RBFOX1: variants seen among roughly 807,000 people sequenced by gnomAD.
RBFOX1 encodes RNA binding protein fox-1 homolog 1.
Under a neutral mutation model 57.7 loss-of-function variants are expected in RBFOX1, and 8 were observed. That is an observed-to-expected ratio of 0.14 (90% CI 0.08 to 0.25). The LOEUF is 0.25. RBFOX1 is among the 10% of genes least tolerant of loss of function. The pLI is 1.00. For missense variants in RBFOX1, 611 were observed against 548.5 expected, an observed-to-expected ratio of 1.11 and a Z score of -1.14; for synonymous variants, 326 against 222.4, an observed-to-expected ratio of 1.47 and a Z score of -4.15.
chr16:6,625,278 A>G (rs1484578240), intron 2 of RBFOX1, among the ~76,000 whole-genome samples: 2 of 152,006 alleles, frequency 1.3e-5, no homozygotes, highest in East Asian at 3.9e-4. Context: ...CTAAAGTGAG[A>G]AGGACACAGA....
At chr16:7,105,627 C>A (rs879402524) in intron 4 of RBFOX1, among the ~76,000 whole-genome samples, 1 of 152,018 alleles carries the variant, frequency 6.6e-6, no homozygotes, top group Non-Finnish European at 1.5e-5. Flanking sequence ...CAGGTTGCTG[C>A]GAATGCCATT....
chr16:5,949,721 A>G (rs1459041038), intron 4 of RBFOX1, among the ~76,000 whole-genome samples: 4 of 152,124 alleles, frequency 2.6e-5, no homozygotes, highest in African/African-American at 7.2e-5. Flanking sequence ...AAAATATGCT[A>G]CCTCAACCAG....
rs546041666 is a variant in RBFOX1 at position 5,254,638 on chromosome 16, A to G, written c.219+14533A>G. Among the ~76,000 whole-genome samples the G allele has an allele frequency of 1.3e-4, 20 of 152,122 alleles. 1 individual carries two copies. In the East Asian group the frequency reaches 1.5e-3, roughly 12 times the overall value. ...TCGAGATTGCTTAGAAATTTTCCCCATTACTACAGCCTGCTTCCCACCTGC... is the reference window on the plus strand; with the variant it reads ...TCGAGATTGCTTAGAAATTTTCCCCGTTACTACAGCCTGCTTCCCACCTGC... On this transcript the variant is annotated intron_variant, in intron 1 of 2. Coordinates refer to the RBFOX1 transcript ENST00000585867.
chr16:7,518,107 A>G (rs2076765305), intron 4 of RBFOX1, 40 bp from the exon 5 acceptor site: 1 of 1,582,132 alleles, frequency 6.3e-7, no homozygotes, highest in South Asian at 1.2e-5. Flanking sequence ...GTGGCTCCTC[A>G]TGACGTTCTC....
chr16:6,614,459 A>C (rs1167843054), intron 2 of RBFOX1, among the ~76,000 whole-genome samples: 1 of 152,160 alleles, frequency 6.6e-6, no homozygotes, highest in Non-Finnish European at 1.5e-5. Flanking sequence ...TGCCCAGTTA[A>C]TCTTTACCGG....
At chr16:7,002,645 G>C (rs1031193554) in intron 3 of RBFOX1, among the ~76,000 whole-genome samples, 3 of 152,214 alleles carry the variant, frequency 2.0e-5, no homozygotes, top group African/African-American at 7.2e-5. Context: ...CTGGGAGGCA[G>C]AGGTTGCAGG....
chr16:6,149,209 A>G (rs997297235), intron 1 of RBFOX1, among the ~76,000 whole-genome samples: 1 of 152,028 alleles, frequency 6.6e-6, no homozygotes, highest in African/African-American at 2.4e-5. Context: ...TTGTGTGTGT[A>G]TGTGTGTGTG....
rs113593114 is a variant in RBFOX1, at chr16:7,053,665, T to G, written c.27+1567T>G. Among the ~76,000 whole-genome samples the G allele has an allele frequency of 5.1e-3, 775 of 152,330 alleles. 9 individuals carry two copies. The highest frequency in any genetic ancestry group is 0.018 in the African/African-American group (739 of 41,590). ...GCATTTTGAGGGATTATTTCCCATT[T>G]ATGAGTCCATTGTCGACAGGAGTGT... On this transcript the variant is annotated intron_variant, in intron 4 of 15. Transcript: ENST00000550418.
intron 3 of RBFOX1, among the ~76,000 whole-genome samples, chr16:5,627,775 A>G (rs2048387555): frequency 6.6e-6 from 1 of 152,232 alleles, no homozygotes; most frequent in South Asian, 2.1e-4. Context: ...ATTGAATATT[A>G]TAAGTAATCA....
At chr16:6,185,032 A>G (rs2152799397) in intron 1 of RBFOX1, among the ~76,000 whole-genome samples, 1 of 152,268 alleles carries the variant, frequency 6.6e-6, no homozygotes, top group Non-Finnish European at 1.5e-5. Context: ...ATTTCCAAGG[A>G]GAGATGTCAA....
intron 4 of RBFOX1, among the ~76,000 whole-genome samples, chr16:7,303,087 C>G (rs954143145): frequency 2.0e-5 from 3 of 152,228 alleles, no homozygotes; most frequent in Non-Finnish European, 4.4e-5. Flanking sequence ...AAGCCCCCTT[C>G]CAGTCGCCCC....
At chr16:5,978,807 G>C (rs921254336) in intron 4 of RBFOX1, among the ~76,000 whole-genome samples, 4 of 151,814 alleles carry the variant, frequency 2.6e-5, no homozygotes, top group East Asian at 1.9e-4. Flanking sequence ...TTGGAGTTGT[G>C]GGGAACAACA....
At chr16:7,434,829 T>G (rs1182905493) in intron 4 of RBFOX1, among the ~76,000 whole-genome samples, 1 of 151,668 alleles carries the variant, frequency 6.6e-6, no homozygotes, top group Non-Finnish European at 1.5e-5. Flanking sequence ...AACCTCTGCC[T>G]CCCAGACTCA....
chr16:6,576,858 T>A (rs886460095), intron 2 of RBFOX1: 1 of 152,188 alleles, frequency 6.6e-6, no homozygotes, highest in African/African-American at 2.4e-5. Context: ...TACTAAAGGA[T>A]ACAGTGCCAG....
chr16:6,713,025 C>G (rs1166388991), intron 3 of RBFOX1, among the ~76,000 whole-genome samples: 2 of 151,592 alleles, frequency 1.3e-5, no homozygotes, highest in East Asian at 1.9e-4. Flanking sequence ...CTTTGCTCCT[C>G]CTTTGCTTTC....
rs185644588 is a variant in RBFOX1, at chr16:5,400,346, G to C, written c.220-66870G>C. On this transcript the variant is annotated intron_variant, in intron 1 of 2. Coordinates refer to the RBFOX1 transcript ENST00000585867. ...GACCTCTAATGATCGGCCCACCTTGGCCTCCCAAAGTGCTGGGGTTACAGG... is the reference window on the plus strand; with the variant it reads ...GACCTCTAATGATCGGCCCACCTTGCCCTCCCAAAGTGCTGGGGTTACAGG... Among the ~76,000 whole-genome samples the C allele has an allele frequency of 1.8e-4, 27 of 152,164 alleles. No homozygotes were observed. The East Asian group carries it at 5.2e-3, about 29-fold the overall frequency.
At chr16:6,802,104 G>T (rs1450636007) in intron 3 of RBFOX1, among the ~76,000 whole-genome samples, 1 of 152,056 alleles carries the variant, frequency 6.6e-6, no homozygotes, top group Non-Finnish European at 1.5e-5. Context: ...AACAAGTCCT[G>T]TTAAGAAATC....
At chr16:5,732,797 G>C (rs894260665) in intron 3 of RBFOX1, among the ~76,000 whole-genome samples, 1 of 152,136 alleles carries the variant, frequency 6.6e-6, no homozygotes, top group Non-Finnish European at 1.5e-5. Flanking sequence ...AGCCGGGCTT[G>C]TTCTCTGCCC....
At chr16:7,569,385 G>T (rs889934366) in intron 5 of RBFOX1, among the ~76,000 whole-genome samples, 6 of 152,076 alleles carry the variant, frequency 3.9e-5, no homozygotes, top group African/African-American at 1.4e-4. Flanking sequence ...TCATTCTTGG[G>T]CTCATGGCCC....
Sources: allele counts gnomAD v4.1 joint callset (sites outside exome capture counted in the v4.1 genomes callset), GRCh38; gene constraint gnomAD v4.1.1; transcripts MANE v1.5; gene names NCBI Gene and HGNC (gene_info 2026-07-23, HGNC 2026-07-21).